The following C4orf36 variants were observed in gnomAD, a reference collection of about 807,000 sequenced individuals.
C4orf36 encodes the protein chromosome 4 open reading frame 36.
Under a neutral mutation model 12.2 loss-of-function variants are expected in C4orf36, and 11 were observed. The observed-to-expected ratio is 0.90, with a 90% CI of 0.57 to 1.49. The LOEUF (loss-of-function observed/expected upper bound fraction) is 1.49. Among genes scored for constraint, C4orf36 ranks in the 40% most tolerant of loss-of-function variants. The pLI is 0.00. For missense variants in C4orf36, 137 were observed against 133.9 expected, an observed-to-expected ratio of 1.02 and a Z score of -0.11; for synonymous variants, 54 against 51.3, an observed-to-expected ratio of 1.05 and a Z score of -0.22.
rs751558922 is a variant in C4orf36, at chr4:86,887,796, C to T, written c.318G>A (p.Arg106=). 1 of 1,614,236 alleles carries T rather than the reference C, an allele frequency of 6.2e-7. No homozygotes were observed. The highest frequency in any genetic ancestry group is 1.1e-5 in the South Asian group (1 of 91,082). ...SKEIQLLLRE[R]PAGLRRPLPS... is the part of the protein sequence containing the mutation. The stretch of plus-strand genomic sequence containing the variant: ...GAAGAGGTCTTCTCAAACCGGCTGG[C>T]CTTTCCCTCAGGAGAAGCTGAATTT... The change falls in exon 4 of 5, where the codon AGG becomes AGA. Residue 106 remains arginine, a synonymous_variant. Coordinates refer to ENST00000295898, the MANE Select transcript of C4orf36 (RefSeq NM_144645.4).
At chr4:86,883,289 C>T (rs1747091559) in intron 4 of C4orf36, among the ~76,000 whole-genome samples, 1 of 152,138 alleles carries the variant, frequency 6.6e-6, no homozygotes, top group African/African-American at 2.4e-5. Context: ...GAGAAATGAT[C>T]AGGATTTGCC....
chr4:86,883,971 G>A (rs1747105763), intron 4 of C4orf36, among the ~76,000 whole-genome samples: 2 of 150,182 alleles, frequency 1.3e-5, no homozygotes, highest in South Asian at 4.4e-4. Context: ...AGAGGTTACA[G>A]TGAAACTTCC....
At chr4:86,920,429 C>T in the C4orf36 span, among the ~76,000 whole-genome samples, 5 of 152,166 alleles carry the variant, frequency 3.3e-5, no homozygotes, top group East Asian at 1.9e-4. Context: ...AAGCTACTTC[C>T]GCATTTTCAA....
At chr4:86,898,541 A>C in the C4orf36 span, among the ~76,000 whole-genome samples, 1 of 152,160 alleles carries the variant, frequency 6.6e-6, no homozygotes, top group Non-Finnish European at 1.5e-5. Context: ...TATTTTTTTA[A>C]ATAAATAATT....
the C4orf36 span, among the ~76,000 whole-genome samples, chr4:86,915,814 G>A: frequency 8.6e-4 from 131 of 152,210 alleles, 1 homozygote; most frequent in Admixed American, 1.8e-3. Context: ...TAAAAAAGAA[G>A]AGGGAAATTT....
intron 2 of C4orf36, among the ~76,000 whole-genome samples, chr4:86,888,758 T>A (rs1747278907): frequency 6.6e-6 from 1 of 152,214 alleles, no homozygotes; most frequent in Non-Finnish European, 1.5e-5. Context: ...TTGTTCTCTT[T>A]CACCTAATTC....
chr4:86,920,815 G>A, the C4orf36 span, among the ~76,000 whole-genome samples: 1 of 152,052 alleles, frequency 6.6e-6, no homozygotes, highest in Non-Finnish European at 1.5e-5. Context: ...TTTTAACATA[G>A]TACTGTTGTA....
chr4:86,930,208 C>A, the C4orf36 span, among the ~76,000 whole-genome samples: 1 of 152,230 alleles, frequency 6.6e-6, no homozygotes, highest in Non-Finnish European at 1.5e-5. Flanking sequence ...CATAATCATT[C>A]AGGTTTCCTT....
chr4:86,885,041 TG>T (rs1747143225), intron 4 of C4orf36, among the ~76,000 whole-genome samples: 1 of 152,248 alleles, frequency 6.6e-6, no homozygotes, highest in Admixed American at 6.5e-5. Context: ...CTGAGGGCTC[TG>T]TTCCATTGGT....
chr4:86,880,718 G>A (rs764328429), intron 4 of C4orf36, among the ~76,000 whole-genome samples: 1 of 152,150 alleles, frequency 6.6e-6, no homozygotes, highest in Non-Finnish European at 1.5e-5. Flanking sequence ...AAAATATAAA[G>A]CTTTCTGATA....
chr4:86,879,526 C>T (rs957120222), intron 4 of C4orf36, among the ~76,000 whole-genome samples: 7 of 151,964 alleles, frequency 4.6e-5, no homozygotes, highest in East Asian at 3.9e-4. Flanking sequence ...AAGTGAAGAA[C>T]GCCAAAAATA....
At chr4:86,928,328 T>C in the C4orf36 span, among the ~76,000 whole-genome samples, 345 of 152,226 alleles carry the variant, frequency 2.3e-3, 7 homozygotes, top group East Asian at 5.8e-4. Flanking sequence ...GCTGGGGCTA[T>C]GGGGGAGGTG....
rs67875875 is a variant in C4orf36 at position 86,890,240 on chromosome 4, A to AGGAG, written c.65+1215_65+1216insCTCC. On this transcript the variant is annotated intron_variant, in intron 2 of 4. Transcript: ENST00000295898. ...AAGGAAGGAAGGAAGGAAGGAAGGA[A>AGGAG]ACTGAGGTGCAGAGAACAACTTGCC... is the stretch of plus-strand genomic sequence containing the variant. 6.6e-4 allele frequency: 246 copies of AGGAG among 374,022 alleles called. 8 individuals carry two copies. The highest frequency in any genetic ancestry group is 8.8e-4 in the Non-Finnish European group (159 of 181,482). The allele number at this position is 374,022 out of a possible 1,614,324, so 23.2% of individuals were successfully genotyped here.
intron 4 of C4orf36, among the ~76,000 whole-genome samples, chr4:86,877,176 A>C (rs1746945798): frequency 6.6e-6 from 1 of 152,236 alleles, no homozygotes. Context: ...AGAAAATTGA[A>C]TTGGTTTTGA....
intron 2 of C4orf36, among the ~76,000 whole-genome samples, chr4:86,890,889 A>T (rs546725464): frequency 6.6e-6 from 1 of 152,352 alleles, no homozygotes; most frequent in East Asian, 1.9e-4. Flanking sequence ...GCAGATGCAG[A>T]GATCAAGGTA....
the C4orf36 span, among the ~76,000 whole-genome samples, chr4:86,919,630 C>A: frequency 9.2e-5 from 14 of 152,166 alleles, no homozygotes; most frequent in African/African-American, 3.4e-4. Context: ...CGGCCCCATT[C>A]TGCTTCTTTT....
At chr4:86,924,506 C>T in the C4orf36 span, 1 of 152,164 alleles carries the variant, frequency 6.6e-6, no homozygotes, top group Non-Finnish European at 1.5e-5. Context: ...AGGGCCATGG[C>T]TAATTTTTTT....
In C4orf36 at chr4:86,876,242, A is replaced by G; in HGVS notation, c.*204T>C. ...CATTTATAACTGGCAATGTTTAAAA[A>G]GAGAAACAAACTGAGTTCCACTGAA... On this transcript the variant is annotated 3_prime_UTR_variant, in exon 5 of 5. Transcript: ENST00000295898. The G allele has an allele frequency of 2.0e-6, 1 of 509,730 alleles. No individual in the cohort carries two copies. The highest frequency in any genetic ancestry group is 3.2e-6 in the Non-Finnish European group (1 of 308,648). The allele number at this position is 509,730 out of a possible 1,614,324, so 31.6% of individuals were successfully genotyped here.
At chr4:86,901,596 A>G in the C4orf36 span, among the ~76,000 whole-genome samples, 1,567 of 151,094 alleles carry the variant, frequency 0.01, 38 homozygotes, top group African/African-American at 0.035. Flanking sequence ...TATTTTTAGT[A>G]GAGATGGGGT....
Sources: allele counts gnomAD v4.1 joint callset (sites outside exome capture counted in the v4.1 genomes callset), GRCh38; gene constraint gnomAD v4.1.1; transcripts MANE v1.5; gene names NCBI Gene and HGNC (gene_info 2026-07-23, HGNC 2026-07-21).